The following KHDRBS2 variants were observed in gnomAD, a reference collection of about 807,000 sequenced individuals.
KHDRBS2 encodes KH domain-containing, RNA-binding, signal transduction-associated protein 2.
KHDRBS2 carries 26 observed loss-of-function variants against 44.3 expected under a neutral mutation model. That is an observed-to-expected ratio of 0.59 (90% CI 0.43 to 0.81). KHDRBS2 has a LOEUF of 0.81. Among genes scored for constraint, KHDRBS2 ranks in the 40% least tolerant of loss-of-function variants. The pLI is 0.00. For synonymous variants in KHDRBS2, 194 were observed against 151.1 expected, an observed-to-expected ratio of 1.28 and a Z score of -2.08; for missense variants, 476 against 433.1, an observed-to-expected ratio of 1.10 and a Z score of -0.88.
At chr6:61,959,596 G>A (rs1003685440) in intron 4 of KHDRBS2, among the ~76,000 whole-genome samples, 3 of 152,078 alleles carry the variant, frequency 2.0e-5, no homozygotes, top group African/African-American at 7.2e-5. Flanking sequence ...ATATAGTCTT[G>A]TTTCTTGATA....
chr6:62,028,246 T>C (rs1783730317), intron 3 of KHDRBS2, among the ~76,000 whole-genome samples: 1 of 152,124 alleles, frequency 6.6e-6, no homozygotes, highest in Non-Finnish European at 1.5e-5. Flanking sequence ...GGAGTTTTTT[T>C]CTTTTAAAAT....
intron 6 of KHDRBS2, among the ~76,000 whole-genome samples, chr6:61,734,201 T>C (rs1333316127): frequency 1.3e-5 from 2 of 152,180 alleles, no homozygotes; most frequent in Non-Finnish European, 2.9e-5. Flanking sequence ...CCATCTCTTG[T>C]CATTTTTCAT....
At chr6:61,976,748 T>C (rs768275744) in intron 4 of KHDRBS2, among the ~76,000 whole-genome samples, 18 of 152,160 alleles carry the variant, frequency 1.2e-4, no homozygotes, top group East Asian at 1.9e-4. Flanking sequence ...TAATGTACAG[T>C]CCTAGTCTCA....
downstream of KHDRBS2, among the ~76,000 whole-genome samples, chr6:61,679,227 CT>C (rs1766109858): frequency 1.3e-5 from 2 of 151,780 alleles, no homozygotes; most frequent in South Asian, 2.1e-4. Context: ...CTTTCACTTT[CT>C]TTTTTTCCAT....
At chr6:61,629,590 A>G in the KHDRBS2 span, among the ~76,000 whole-genome samples, 5 of 152,328 alleles carry the variant, frequency 3.3e-5, no homozygotes, top group Admixed American at 2.0e-4. Context: ...ATAAAGTCCT[A>G]TAAGTGACTG....
At chr6:61,590,761 T>A in the KHDRBS2 span, among the ~76,000 whole-genome samples, 1 of 152,194 alleles carries the variant, frequency 6.6e-6, no homozygotes, top group African/African-American at 2.4e-5. Context: ...GACATAGTTA[T>A]TCAATGAAAA....
chr6:61,773,322 T>A (rs1478364001), intron 6 of KHDRBS2, among the ~76,000 whole-genome samples: 1 of 152,154 alleles, frequency 6.6e-6, no homozygotes, highest in Non-Finnish European at 1.5e-5. Flanking sequence ...GACTTTTTAA[T>A]GATCGCCATT....
chr6:61,744,936 T>C (rs1389329196), intron 6 of KHDRBS2, among the ~76,000 whole-genome samples: 2 of 152,184 alleles, frequency 1.3e-5, no homozygotes, highest in African/African-American at 4.8e-5. Context: ...CAAATCTGTT[T>C]TCCTTTTTTT....
intron 6 of KHDRBS2, among the ~76,000 whole-genome samples, chr6:61,833,050 T>C (rs1432694776): frequency 1.3e-5 from 2 of 152,202 alleles, no homozygotes; most frequent in African/African-American, 2.4e-5. Context: ...TATGCACAAG[T>C]CATAATTTAG....
chr6:62,046,791 G>A (rs558058741), intron 3 of KHDRBS2, among the ~76,000 whole-genome samples: 77 of 151,864 alleles, frequency 5.1e-4, no homozygotes, highest in Middle Eastern at 3.4e-3. Context: ...GAATACAGTC[G>A]TTGCTGAAAT....
intron 1 of KHDRBS2, among the ~76,000 whole-genome samples, chr6:62,255,340 T>C (rs1318172302): frequency 6.6e-6 from 1 of 152,046 alleles, no homozygotes; most frequent in Non-Finnish European, 1.5e-5. Flanking sequence ...TAACAACTTT[T>C]GTTATTTTGA....
rs555312393 is a variant in KHDRBS2 at position 61,969,036 on chromosome 6, A to G, written c.483+9030T>C. ...CCTGTTAATTGTTTTGAGCTTAAGTATCCCTTCCAGTTCTATAATTATAGA... is the reference window on the plus strand; with the variant it reads ...CCTGTTAATTGTTTTGAGCTTAAGTGTCCCTTCCAGTTCTATAATTATAGA... On this transcript the variant is annotated intron_variant, in intron 4 of 8. Transcript: ENST00000281156. Among the ~76,000 whole-genome samples, 6 of 152,178 alleles carry G rather than the reference A, an allele frequency of 3.9e-5. No homozygotes were observed. The East Asian group carries it at 7.7e-4, about 20-fold the overall frequency.
Position 62,226,169 on chromosome 6 carries a change from T to C in KHDRBS2, c.92-48857A>G, listed in dbSNP as rs1167229907. 5.3e-5 allele frequency among the ~76,000 whole-genome samples: 8 copies of C among 152,322 alleles called. No homozygotes were observed. In the East Asian group the frequency reaches 1.5e-3, roughly 29 times the overall value. On this transcript the variant is annotated intron_variant, in intron 1 of 8. Transcript: ENST00000281156. ...ATTCCCATCAATAGTGTAAAAGCACTCTTATTTCTCCACAGCCTCGACAGC... is the reference window on the plus strand; with the variant it reads ...ATTCCCATCAATAGTGTAAAAGCACCCTTATTTCTCCACAGCCTCGACAGC...
intron 2 of KHDRBS2, among the ~76,000 whole-genome samples, chr6:62,123,923 G>A (rs989188815): frequency 1.6e-4 from 24 of 152,120 alleles, no homozygotes; most frequent in African/African-American, 5.6e-4. Flanking sequence ...TAAAACAACT[G>A]CTCTTTTGAA....
chr6:61,849,851 G>C (rs1465312693), intron 6 of KHDRBS2, among the ~76,000 whole-genome samples: 1 of 152,122 alleles, frequency 6.6e-6, no homozygotes, highest in East Asian at 1.9e-4. Flanking sequence ...TTGCCCAGCT[G>C]TCCTGTGGAT....
At chr6:61,790,787 C>A (rs1483353229) in intron 6 of KHDRBS2, among the ~76,000 whole-genome samples, 1 of 151,476 alleles carries the variant, frequency 6.6e-6, no homozygotes, top group African/African-American at 2.4e-5. Context: ...ATGAAATGAA[C>A]CCTTGAATGG....
chr6:62,018,299 ATG>A (rs57360690), intron 3 of KHDRBS2, among the ~76,000 whole-genome samples: 3,845 of 146,082 alleles, frequency 0.026, 64 homozygotes, highest in South Asian at 0.12. Flanking sequence ...ATATATATAT[ATG>A]TGTGTGTGTG....
intron 2 of KHDRBS2, among the ~76,000 whole-genome samples, chr6:62,083,507 C>G (rs770741607): frequency 6.6e-6 from 1 of 152,182 alleles, no homozygotes; most frequent in Non-Finnish European, 1.5e-5. Context: ...CCACTTAAGC[C>G]ATCCACGGAC....
chr6:61,945,106 A>T (rs1226741397), intron 4 of KHDRBS2, among the ~76,000 whole-genome samples: 23,254 of 62,480 alleles, frequency 0.37, 4,897 homozygotes, highest in East Asian at 0.43. Context: ...AAAAAAAAAA[A>T]AAAAAAGTAT....
Sources: allele counts gnomAD v4.1 joint callset (sites outside exome capture counted in the v4.1 genomes callset), GRCh38; gene constraint gnomAD v4.1.1; transcripts MANE v1.5; gene names NCBI Gene and HGNC (gene_info 2026-07-23, HGNC 2026-07-21).